Variants in GPNMB observed in about 807,000 individuals in gnomAD.
GPNMB encodes transmembrane glycoprotein NMB.
Under a neutral mutation model 57.3 loss-of-function variants are expected in GPNMB, and 71 were observed. The observed-to-expected ratio is 1.24, with a 90% CI of 1.02 to 1.51. The LOEUF (loss-of-function observed/expected upper bound fraction) is 1.51. Among genes scored for constraint, GPNMB ranks in the 40% most tolerant of loss-of-function variants. The pLI, the probability that GPNMB is intolerant of heterozygous loss-of-function variation, is 0.00. For missense variants in GPNMB, 677 were observed against 691.9 expected (o/e 0.98, Z 0.24); for synonymous variants, 253 against 263.2 (o/e 0.96, Z 0.38).
At chr7:23,272,365 C>A (rs1257719900) in intron 9 of GPNMB, among the ~76,000 whole-genome samples, 2 of 152,026 alleles carry the variant, frequency 1.3e-5, no homozygotes, top group Non-Finnish European at 2.9e-5. Flanking sequence ...CACAGTGGAA[C>A]ATACCTGTAG....
rs769724849 is a variant in GPNMB at position 23,270,097 on chromosome 7, A to G, written c.1351A>G (p.Thr451Ala). 6.2e-7 allele frequency: 1 copy of G among 1,614,034 alleles called. No homozygotes were observed. The highest frequency in any genetic ancestry group is 8.5e-7 in the Non-Finnish European group (1 of 1,179,966). The change falls in exon 9 of 11, where the codon ACG (threonine) becomes GCG (alanine). Residue 451 changes from threonine to alanine, a missense_variant. Physicochemically the swap from Thr to Ala is moderately conservative, Grantham distance 58. Transcript: ENST00000258733. ...GAGACGAACCTTCAATGGGTCTGGGACGTACTGTGTGAACCTCACCCTGGG... is the reference window on the plus strand; with the variant it reads ...GAGACGAACCTTCAATGGGTCTGGGGCGTACTGTGTGAACCTCACCCTGGG... ...TVRRTFNGSG[T>A]YCVNLTLGDD...
At chr7:23,258,115 C>T (rs1021100093) in intron 4 of GPNMB, 2 of 152,080 alleles carry the variant, frequency 1.3e-5, no homozygotes, top group Non-Finnish European at 2.9e-5. Context: ...GAAATGATTA[C>T]TTTTAGAAGG....
At chr7:23,252,457 A>G (rs1333119280) in intron 1 of GPNMB, among the ~76,000 whole-genome samples, 1 of 152,242 alleles carries the variant, frequency 6.6e-6, no homozygotes, top group African/African-American at 2.4e-5. Flanking sequence ...TACCAGTTAA[A>G]CACTAAGCAT....
At chr7:23,256,840 T>A in intron 3 of GPNMB, 52 bp from the exon 4 acceptor site, 1 of 1,487,536 alleles carries the variant, frequency 6.7e-7, no homozygotes, top group Non-Finnish European at 9.3e-7. Flanking sequence ...GCATGCACAT[T>A]GGGTTTTCTG....
At chr7:23,259,412 G>C (rs926360328) in intron 4 of GPNMB, among the ~76,000 whole-genome samples, 6 of 152,108 alleles carry the variant, frequency 3.9e-5, no homozygotes, top group African/African-American at 1.4e-4. Flanking sequence ...TCCATCTCCT[G>C]ACCTCGTGAT....
rs372784504 is a variant in GPNMB at position 23,270,149 on chromosome 7, G to A, written c.1403G>A (p.Ser468Asn). ...GATGACACAAGCCTGGCTCTCACGA[G>A]CACCCTGATTTCTGTTCCTGACAGA... Reference protein sequence around the residue: ...LGDDTSLALTSTLISVPDRDP... With the variant: ...LGDDTSLALTNTLISVPDRDP... Residue 468 changes from serine (S) to asparagine (N), a missense_variant, in exon 9 of 11, where the codon AGC becomes AAC. Transcript: ENST00000258733. The A allele has an allele frequency of 1.9e-6, 3 of 1,613,928 alleles. No homozygotes were observed. In the African/African-American group the frequency reaches 4.0e-5, roughly 22 times the overall value.
In GPNMB at chr7:23,253,317, T is replaced by C. The variant is rs185366425; in HGVS notation, c.81T>C (p.Asp27=). ...LPLDAAKRFH[D]VLGNERPSAY... is the part of the protein sequence containing the mutation. ...CGAATATTGATACAGGATTTCATGA[T>C]GTGCTGGGCAATGAAAGACCTTCTG... The change falls in exon 2 of 11, where the codon GAT becomes GAC. Residue 27 remains aspartate (D), a synonymous_variant. Transcript: ENST00000258733. The C allele has an allele frequency of 1.2e-5, 19 of 1,613,050 alleles. No homozygotes were observed. The African/African-American group carries it at 1.9e-4, about 16-fold the overall frequency.
chr7:23,246,818 A>C lies in GPNMB; in HGVS notation c.-40A>C. On this transcript the variant is annotated 5_prime_UTR_variant, in exon 1 of 11. Coordinates refer to ENST00000258733, the MANE Select transcript of GPNMB (RefSeq NM_002510.3). Reference sequence around the variant, plus strand: ...TTGGTGGACGGGCCCAGAGGAATTCAGAGTTAAACCTTGAGTGCCTGCGTC... The same window carrying C: ...TTGGTGGACGGGCCCAGAGGAATTCCGAGTTAAACCTTGAGTGCCTGCGTC... 1.4e-6 allele frequency: 2 copies of C among 1,461,548 alleles called. No individual in the cohort carries two copies. Among genetic ancestry groups the C allele is most frequent in the Non-Finnish European group, 9.6e-7 (1 of 1,040,788 alleles). 90.5% of individuals were successfully genotyped at this position (1,461,548 alleles called of 1,614,324 possible).
At chr7:23,272,627 C>T (rs1460606531) in intron 9 of GPNMB, among the ~76,000 whole-genome samples, 1 of 152,164 alleles carries the variant, frequency 6.6e-6, no homozygotes, top group Non-Finnish European at 1.5e-5. Context: ...TCAAAGCAAA[C>T]CTATAGACTT....
At chr7:23,257,294 A>C (rs768360148) in intron 4 of GPNMB, 5 of 594,068 alleles carry the variant, frequency 8.4e-6, no homozygotes, top group Non-Finnish European at 1.5e-5. Context: ...AAAAAGATTA[A>C]GCTCTTTTTC....
rs1782890867 is a variant in GPNMB at position 23,260,505 on chromosome 7, A to G, written c.750A>G (p.Ser250=). The G allele has an allele frequency of 6.2e-7, 1 of 1,613,828 alleles. No homozygotes were observed. The highest frequency in any genetic ancestry group is 1.3e-5 in the African/African-American group (1 of 74,896). ...TGTTCCAGAAGAACGATCGAAATTC[A>G]TCCGACGAAACCTTCCTCAAAGATC... ...VTMFQKNDRN[S]SDETFLKDLP... Residue 250 remains serine, a synonymous_variant, in exon 6 of 11, where the codon TCA becomes TCG. Transcript: ENST00000258733.
chr7:23,253,451 C>G lies in GPNMB; in HGVS notation c.215C>G (p.Ser72Cys). The G allele has an allele frequency of 4.3e-6, 7 of 1,613,276 alleles. No individual in the cohort carries two copies. The highest frequency in any genetic ancestry group is 5.9e-6 in the Non-Finnish European group (7 of 1,179,564). ...WKRGDMRWKN[S>C]WKGGRVQAVL... The stretch of plus-strand genomic sequence containing the variant: ...CGGGGAGACATGAGGTGGAAAAACT[C>G]CTGGAAGGGTAAGTCAAAAGATTCA... The change falls in exon 2 of 11, where the codon TCC (serine) becomes TGC (cysteine). Residue 72 changes from serine to cysteine, a missense_variant. Physicochemically the swap from Ser to Cys is moderately radical, Grantham distance 112 (BLOSUM62 -1). Transcript: ENST00000258733.
Position 23,253,352 on chromosome 7 carries a change from G to A in GPNMB, c.116G>A (p.Arg39Lys). The A allele has an allele frequency of 1.9e-6, 3 of 1,613,586 alleles. No individual in the cohort carries two copies. Among genetic ancestry groups the A allele is most frequent in the Non-Finnish European group, 2.5e-6 (3 of 1,179,590 alleles). ...AATGAAAGACCTTCTGCTTACATGA[G>A]GGAGCACAATCAATTAAATGGCTGG... The part of the protein sequence containing the change: ...LGNERPSAYM[R>K]EHNQLNGWSS... The change falls in exon 2 of 11, where the codon AGG (arginine) becomes AAG (lysine). Residue 39 changes from arginine (R) to lysine (K), a missense_variant. Physicochemically the swap from Arg to Lys is conservative, Grantham distance 26. Transcript: ENST00000258733.
chr7:23,261,043 G>C (rs1158834752), intron 6 of GPNMB, among the ~76,000 whole-genome samples: 1 of 152,120 alleles, frequency 6.6e-6, no homozygotes, highest in African/African-American at 2.4e-5. Flanking sequence ...ACTGGTCCCT[G>C]CTATGTGTAC....
chr7:23,269,662 T>C (rs1783150688), intron 8 of GPNMB, among the ~76,000 whole-genome samples: 1 of 152,154 alleles, frequency 6.6e-6, no homozygotes, highest in South Asian at 2.1e-4. Context: ...AGAAGGAATA[T>C]AGAGGGAGTG....
At position 23,274,083 on chromosome 7, in the gene GPNMB, C is replaced by G; in HGVS notation, c.1542C>G (p.Asn514Lys). The change falls in exon 11 of 11, where the codon AAC (asparagine) becomes AAG (lysine). Residue 514 changes from asparagine (N) to lysine (K), a missense_variant. Asn to Lys is a moderately conservative substitution (Grantham distance 94, BLOSUM62 0). Transcript: ENST00000258733. ...TTTTCAGAAAACACAAGGAATACAA[C>G]CCAATAGAAAATAGTCCTGGGAATG... ...LLVYKKHKEY[N>K]PIENSPGNVV... The G allele has an allele frequency of 6.2e-7, 1 of 1,611,764 alleles. No individual in the cohort carries two copies. The highest frequency in any genetic ancestry group is 8.5e-7 in the Non-Finnish European group (1 of 1,178,616).
rs112627774 is a variant in GPNMB, at chr7:23,260,721, T to C, written c.966T>C (p.Pro322=). The change falls in exon 6 of 11, where the codon CCT becomes CCC. Residue 322 remains proline, a synonymous_variant. Coordinates refer to ENST00000258733, the MANE Select transcript of GPNMB (RefSeq NM_002510.3). ...NLTVKAAAPG[P]CPPPPPPPRP... ...CTGTGAAAGCTGCAGCACCAGGACC[T>C]TGTCCGCCACCGCCACCACCACCCA... The C allele has an allele frequency of 2.8e-5, 45 of 1,596,472 alleles. No homozygotes were observed. The highest frequency in any genetic ancestry group is 3.9e-5 in the Non-Finnish European group (45 of 1,168,500).
intron 4 of GPNMB, 24 bp downstream of exon 4, chr7:23,257,089 C>T (rs905429236): frequency 2.5e-6 from 4 of 1,593,390 alleles, no homozygotes; most frequent in Non-Finnish European, 3.4e-6. Context: ...AACCCCTAAG[C>T]TTCTTCTTTA....
At position 23,254,778 on chromosome 7, in the gene GPNMB, T is replaced by G. The variant is rs183300701; in HGVS notation, c.367+466T>G. Among the ~76,000 whole-genome samples, 129 of 152,304 alleles carry G rather than the reference T, an allele frequency of 8.5e-4. 1 individual carries two copies. Among genetic ancestry groups the G allele is most frequent in the Middle Eastern group, 3.4e-3 (1 of 294 alleles). ...TGTGTATATTTTGGTTTTGCTTTGCTCTTAGTGAAAGAAATAAGCTCTCTA... is the reference window on the plus strand; with the variant it reads ...TGTGTATATTTTGGTTTTGCTTTGCGCTTAGTGAAAGAAATAAGCTCTCTA... On this transcript the variant is annotated intron_variant, in intron 3 of 10. Transcript: ENST00000258733.
Sources: allele counts gnomAD v4.1 joint callset (sites outside exome capture counted in the v4.1 genomes callset), GRCh38; gene constraint gnomAD v4.1.1; transcripts MANE v1.5; gene names NCBI Gene and HGNC (gene_info 2026-07-23, HGNC 2026-07-21).